Variants in OTULIN observed in about 807,000 individuals in gnomAD.
OTULIN encodes OTU deubiquitinase with linear linkage specificity.
A neutral mutation model predicts 39.6 loss-of-function variants in OTULIN; 15 were observed. The ratio of observed to expected loss-of-function variants is 0.38; its 90% confidence interval spans 0.25 to 0.58. The LOEUF (loss-of-function observed/expected upper bound fraction) is 0.58, where lower values mean the gene tolerates loss of function less well. Among genes scored for constraint, OTULIN ranks in the 20% least tolerant of loss-of-function variants. OTULIN has a pLI of 0.66. For synonymous variants in OTULIN, 156 were observed against 170.3 expected (o/e 0.92, Z 0.65); for missense variants, 319 against 445.9 (o/e 0.72, Z 2.56).
At chr5:14,672,025 A>G (rs894319514) in intron 1 of OTULIN, among the ~76,000 whole-genome samples, 10 of 152,288 alleles carry the variant, frequency 6.6e-5, no homozygotes, top group Admixed American at 3.9e-4. Context: ...GACTAGTTAA[A>G]TAAACCCTGG....
At chr5:14,707,486 A>G in the OTULIN span, 2 of 152,132 alleles carry the variant, frequency 1.3e-5, no homozygotes, top group Non-Finnish European at 2.9e-5. Context: ...AAATTTTGAG[A>G]GTTACGATAT....
chr5:14,680,018 C>A (rs973523934), intron 3 of OTULIN, among the ~76,000 whole-genome samples: 3 of 152,170 alleles, frequency 2.0e-5, no homozygotes, highest in Non-Finnish European at 4.4e-5. Context: ...CTATTTTAGT[C>A]CTTATTGGCG....
At chr5:14,704,279 G>A (rs552324096), downstream of OTULIN, among the ~76,000 whole-genome samples, 4 of 126,174 alleles carry the variant, frequency 3.2e-5, no homozygotes, top group East Asian at 7.5e-4. Context: ...GCAATGAGCC[G>A]AGATTGCGCC....
rs1736758551 is a variant in OTULIN, at chr5:14,699,749, A to G, written c.*6701A>G. On this transcript the variant is annotated 3_prime_UTR_variant, in exon 7 of 7. Coordinates refer to ENST00000284274, the MANE Select transcript of OTULIN (RefSeq NM_138348.6). ...TAGAACGAGAAGTTGTTTGTACAGT[A>G]TTTTTCTATTGACCGCTTCCGTCTT... 1 of 152,128 alleles carries G rather than the reference A, an allele frequency of 6.6e-6. No homozygotes were observed. Among genetic ancestry groups the G allele is most frequent in the Non-Finnish European group, 1.5e-5 (1 of 68,040 alleles). 9.4% of individuals were successfully genotyped at this position (152,128 alleles called of 1,614,324 possible). A position where few individuals can be genotyped will look rare whatever the true frequency, so the allele number is the denominator to read the frequency against.
the OTULIN span, among the ~76,000 whole-genome samples, chr5:14,715,307 A>G: frequency 1.3e-5 from 2 of 152,000 alleles, no homozygotes; most frequent in African/African-American, 4.8e-5. Flanking sequence ...AATTTTTTGT[A>G]TTTAGTAGAG....
At chr5:14,703,060 GGTT>G (rs1736829874), downstream of OTULIN, among the ~76,000 whole-genome samples, 1 of 152,112 alleles carries the variant, frequency 6.6e-6, no homozygotes, top group African/African-American at 2.4e-5. Flanking sequence ...GAAAAGATCT[GGTT>G]GTAGAGGACA....
chr5:14,703,665 C>T (rs1194813236), downstream of OTULIN, among the ~76,000 whole-genome samples: 1 of 152,126 alleles, frequency 6.6e-6, no homozygotes, highest in Non-Finnish European at 1.5e-5. Flanking sequence ...GATGCTGGGG[C>T]CAGCGCAGCT....
chr5:14,681,638 A>G, intron 4 of OTULIN, 31 bp downstream of exon 4: 1 of 1,586,954 alleles, frequency 6.3e-7, no homozygotes, highest in Non-Finnish European at 8.6e-7. Context: ...TGAGTCCAAA[A>G]TGTTTCAAAC....
At position 14,694,331 on chromosome 5, in the gene OTULIN, A is replaced by C. The variant is rs189310566; in HGVS notation, c.*1283A>C. On this transcript the variant is annotated 3_prime_UTR_variant, in exon 7 of 7. Transcript: ENST00000284274. ...TGGTGAAGGGGCAGCTCTGCTGAGC[A>C]TGGTCTGCCTTATGGCCTGAATTGT... 6 of 152,382 alleles carry C rather than the reference A, an allele frequency of 3.9e-5. No individual in the cohort carries two copies. The highest frequency in any genetic ancestry group is 7.3e-5 in the Non-Finnish European group (5 of 68,074). 9.4% of individuals were successfully genotyped at this position (152,382 alleles called of 1,614,324 possible).
the OTULIN span, chr5:14,705,835 T>C: frequency 6.6e-6 from 1 of 152,416 alleles, no homozygotes; most frequent in Non-Finnish European, 1.5e-5. Context: ...TAGCTTTCAG[T>C]AGCTGTTTCA....
At position 14,697,724 on chromosome 5, in the gene OTULIN, CTG is replaced by C. The variant is rs1736707445; in HGVS notation, c.*4680_*4681del. 6.6e-6 allele frequency: 1 copy of C among 152,086 alleles called. No homozygotes were observed. The highest frequency in any genetic ancestry group is 2.4e-5 in the African/African-American group (1 of 41,390). The allele number at this position is 152,086 out of a possible 1,614,324, so 9.4% of individuals were successfully genotyped here. ...TCATTAGCATTAATGGAGGAGGACA[CTG>C]TGTTTTCTCAATTAATCTCATTGAT... is the stretch of plus-strand genomic sequence containing the variant. On this transcript the variant is annotated 3_prime_UTR_variant, in exon 7 of 7. Transcript: ENST00000284274.
intron 3 of OTULIN, among the ~76,000 whole-genome samples, chr5:14,679,606 C>CT (rs1182176951): frequency 6.6e-6 from 1 of 152,122 alleles, no homozygotes; most frequent in African/African-American, 2.4e-5. Flanking sequence ...ATAGAAATAT[C>CT]TTTAACTTTT....
Position 14,668,963 on chromosome 5 carries a change from A to G in OTULIN, c.152+3986A>G, listed in dbSNP as rs545553662. ...GTTGGTATGCAGGTCTTTGAACAGA[A>G]CAAGTGGTACCAGTTATAATTTAGT... is the stretch of plus-strand genomic sequence containing the variant. On this transcript the variant is annotated intron_variant, in intron 1 of 6. Transcript: ENST00000284274. Among the ~76,000 whole-genome samples, 3 of 152,368 alleles carry G rather than the reference A, an allele frequency of 2.0e-5. No homozygotes were observed. The South Asian group carries it at 6.2e-4, about 32-fold the overall frequency.
intron 1 of OTULIN, among the ~76,000 whole-genome samples, chr5:14,667,779 A>C (rs1197786726): frequency 6.6e-6 from 1 of 152,176 alleles, no homozygotes; most frequent in African/African-American, 2.4e-5. Flanking sequence ...GTTGGCTCAC[A>C]TCTCCTGGAC....
chr5:14,677,245 C>T (rs1049980886), intron 2 of OTULIN, among the ~76,000 whole-genome samples: 3 of 152,154 alleles, frequency 2.0e-5, no homozygotes, highest in Non-Finnish European at 4.4e-5. Context: ...TGTCTTTTCT[C>T]CTCCAGCAGT....
the OTULIN span, chr5:14,705,459 G>A: frequency 1.3e-5 from 2 of 152,212 alleles, no homozygotes; most frequent in Non-Finnish European, 2.9e-5. Flanking sequence ...TTGGACAGAT[G>A]AGCAAGGTGA....
At chr5:14,692,789 C>G in intron 6 of OTULIN, 65 bp from the exon 7 acceptor site, 17 of 1,445,034 alleles carry the variant, frequency 1.2e-5, no homozygotes, top group Non-Finnish European at 1.6e-5. Context: ...ATGGATGGAA[C>G]ATGGTGTTAA....
the OTULIN span, chr5:14,709,978 G>A: frequency 2.0e-5 from 3 of 152,118 alleles, no homozygotes; most frequent in African/African-American, 7.2e-5. Flanking sequence ...AGTGAACCGT[G>A]TCTATAATTT....
chr5:14,685,005 C>T (rs1736349985), intron 4 of OTULIN, among the ~76,000 whole-genome samples: 1 of 152,232 alleles, frequency 6.6e-6, no homozygotes. Context: ...TGTTTGGCTG[C>T]AGCCAGATCA....
Sources: allele counts gnomAD v4.1 joint callset (sites outside exome capture counted in the v4.1 genomes callset), GRCh38; gene constraint gnomAD v4.1.1; transcripts MANE v1.5; gene names NCBI Gene and HGNC (gene_info 2026-07-23, HGNC 2026-07-21).